VSTM4: variants seen among roughly 807,000 people sequenced by gnomAD.
VSTM4 encodes the protein V-set and transmembrane domain containing 4, also known as V-set and transmembrane domain-containing protein 4.
VSTM4 carries 20 observed loss-of-function variants against 36.4 expected under a neutral mutation model. The ratio of observed to expected loss-of-function variants is 0.55; its 90% confidence interval spans 0.39 to 0.80. VSTM4 has a LOEUF of 0.80. Among genes scored for constraint, VSTM4 ranks in the 30% least tolerant of loss-of-function variants. The pLI, the probability that VSTM4 is intolerant of heterozygous loss-of-function variation, is 0.00. For synonymous variants in VSTM4, 182 were observed against 173.9 expected, an observed-to-expected ratio of 1.05 and a Z score of -0.37; for missense variants, 392 against 404.5, an observed-to-expected ratio of 0.97 and a Z score of 0.26.
chr10:49,113,392 C>G (rs1844932733), intron 1 of VSTM4, among the ~76,000 whole-genome samples: 1 of 152,180 alleles, frequency 6.6e-6, no homozygotes, highest in Admixed American at 6.5e-5. Context: ...AAAATATCAC[C>G]TTGCCCAATG....
At chr10:49,032,022 T>C (rs1340411827) in intron 7 of VSTM4, among the ~76,000 whole-genome samples, 1 of 152,004 alleles carries the variant, frequency 6.6e-6, no homozygotes, top group Non-Finnish European at 1.5e-5. Context: ...AACTGTGACG[T>C]CCTCCCCATT....
At chr10:49,063,364 T>G (rs145783613) in intron 5 of VSTM4, among the ~76,000 whole-genome samples, 215 of 152,292 alleles carry the variant, frequency 1.4e-3, no homozygotes, top group African/African-American at 4.7e-3. Flanking sequence ...CTTCAAAATT[T>G]TTGTCAGATA....
At position 49,073,028 on chromosome 10, in the gene VSTM4, C is replaced by T. The variant is rs186639601; in HGVS notation, c.634+4191G>A. Among the ~76,000 whole-genome samples the T allele has an allele frequency of 3.9e-4, 60 of 152,324 alleles. 1 individual carries two copies. Among genetic ancestry groups the T allele is most frequent in the South Asian group, 1.9e-3 (9 of 4,820 alleles). ...GGAAAGGCAACTATTCTTAGTTATA[C>T]CTTCAAAGCCAGGAAGGAAGTCTTG... On this transcript the variant is annotated intron_variant, in intron 4 of 7. Coordinates refer to ENST00000332853, the MANE Select transcript of VSTM4 (RefSeq NM_001031746.5).
intron 2 of VSTM4, among the ~76,000 whole-genome samples, chr10:49,091,717 A>G (rs1371740010): frequency 6.6e-6 from 1 of 152,184 alleles, no homozygotes; most frequent in African/African-American, 2.4e-5. Flanking sequence ...GGACGCTGAC[A>G]TGCTTTGTCT....
chr10:49,091,670 G>C (rs773374061), intron 2 of VSTM4, among the ~76,000 whole-genome samples: 5 of 152,140 alleles, frequency 3.3e-5, no homozygotes, highest in Non-Finnish European at 5.9e-5. Context: ...TGGGTGCCAA[G>C]GGGCCTCTGG....
intron 5 of VSTM4, among the ~76,000 whole-genome samples, chr10:49,052,585 G>C (rs1189449914): frequency 7.2e-5 from 11 of 151,892 alleles, no homozygotes; most frequent in Non-Finnish European, 1.6e-4. Context: ...TTGAATTCTG[G>C]CTTTTTGTTC....
rs544206957 is a variant in VSTM4, at chr10:49,098,618, C to T, written c.457+8976G>A. Among the ~76,000 whole-genome samples, 102 of 152,322 alleles carry T rather than the reference C, an allele frequency of 6.7e-4. 1 individual carries two copies. Among genetic ancestry groups the T allele is most frequent in the Non-Finnish European group, 2.5e-4 (17 of 68,024 alleles). On this transcript the variant is annotated intron_variant, in intron 2 of 7. Coordinates refer to ENST00000332853, the MANE Select transcript of VSTM4 (RefSeq NM_001031746.5). Reference sequence around the variant, plus strand: ...AAGCTTCCAGGCCTAATGCAGAGTCCCCAAAGCCCTGGCATGAGCTGCAGT... The same window carrying T: ...AAGCTTCCAGGCCTAATGCAGAGTCTCCAAAGCCCTGGCATGAGCTGCAGT...
At chr10:49,115,321 C>A in intron 1 of VSTM4, 110 bp downstream of exon 1, 1 of 758,638 alleles carries the variant, frequency 1.3e-6, no homozygotes, top group Non-Finnish European at 1.6e-6. Context: ...CGCCCCCCGC[C>A]CGCGCCCGGA....
At chr10:49,083,075 C>T (rs1021943019) in intron 3 of VSTM4, among the ~76,000 whole-genome samples, 1 of 152,264 alleles carries the variant, frequency 6.6e-6, no homozygotes, top group Non-Finnish European at 1.5e-5. Flanking sequence ...TGCCCCTCAG[C>T]AGAGTCCAGG....
intron 3 of VSTM4, among the ~76,000 whole-genome samples, chr10:49,080,481 G>A (rs554068514): frequency 1.3e-5 from 2 of 152,362 alleles, no homozygotes; most frequent in South Asian, 4.1e-4. Context: ...TTTTGCCTAA[G>A]CTAGTTTGAA....
At position 49,015,299 on chromosome 10, in the gene VSTM4, T is replaced by C. The variant is rs994372403; in HGVS notation, c.*4351A>G. 4 of 152,032 alleles carry C rather than the reference T, an allele frequency of 2.6e-5. No individual in the cohort carries two copies. The highest frequency in any genetic ancestry group is 9.7e-5 in the African/African-American group (4 of 41,364). 9.4% of individuals were successfully genotyped at this position (152,032 alleles called of 1,614,324 possible). A position where few individuals can be genotyped will look rare whatever the true frequency, so the allele number is the denominator to read the frequency against. On this transcript the variant is annotated 3_prime_UTR_variant, in exon 8 of 8. Transcript: ENST00000332853. Reference sequence around the variant, plus strand: ...ACCATGCCTGGCTAATTTTTTGTATTTTTAGTAGAGACAGGGTTTCACCGT... The same window carrying C: ...ACCATGCCTGGCTAATTTTTTGTATCTTTAGTAGAGACAGGGTTTCACCGT...
intron 4 of VSTM4, among the ~76,000 whole-genome samples, chr10:49,066,037 C>A (rs1479922989): frequency 6.6e-6 from 1 of 151,922 alleles, no homozygotes; most frequent in Non-Finnish European, 1.5e-5. Flanking sequence ...TTAGATGGAT[C>A]AGTGGTCTTC....
intron 3 of VSTM4, among the ~76,000 whole-genome samples, chr10:49,081,753 G>T (rs1844281874): frequency 6.6e-6 from 1 of 152,210 alleles, no homozygotes; most frequent in Non-Finnish European, 1.5e-5. Context: ...ACACCAGCCA[G>T]CGGGCACCTC....
rs1843099620 is a variant in VSTM4, at chr10:49,015,957, C to T, written c.*3693G>A. On this transcript the variant is annotated 3_prime_UTR_variant, in exon 8 of 8. Coordinates refer to ENST00000332853, the MANE Select transcript of VSTM4 (RefSeq NM_001031746.5). ...CCCTTCCTTAGGGAGAGCATCAGTC[C>T]TGGAGCCCTCCATCGGGAGCTCTCC... The T allele has an allele frequency of 6.6e-6, 1 of 152,258 alleles. No individual in the cohort carries two copies. Among genetic ancestry groups the T allele is most frequent in the Admixed American group, 6.5e-5 (1 of 15,290 alleles). The allele number at this position is 152,258 out of a possible 1,614,324, so 9.4% of individuals were successfully genotyped here. A position where few individuals can be genotyped will look rare whatever the true frequency, so the allele number is the denominator to read the frequency against.
At chr10:49,110,517 A>G (rs1298322883) in intron 1 of VSTM4, among the ~76,000 whole-genome samples, 1 of 152,150 alleles carries the variant, frequency 6.6e-6, no homozygotes, top group East Asian at 1.9e-4. Context: ...AAGTGCAAAG[A>G]CCTTTGTTAT....
At chr10:49,054,666 A>T (rs972070702) in intron 5 of VSTM4, among the ~76,000 whole-genome samples, 7 of 152,232 alleles carry the variant, frequency 4.6e-5, no homozygotes, top group African/African-American at 1.7e-4. Context: ...AACTGAGCTG[A>T]TTCCACCAAA....
At position 49,078,884 on chromosome 10, in the gene VSTM4, C is replaced by T. The variant is rs531783208; in HGVS notation, c.527-1558G>A. Among the ~76,000 whole-genome samples the T allele has an allele frequency of 2.7e-3, 407 of 151,986 alleles. 5 individuals are homozygous for T. The highest frequency in any genetic ancestry group is 4.6e-3 in the Non-Finnish European group (311 of 67,928). On this transcript the variant is annotated intron_variant, in intron 3 of 7. Transcript: ENST00000332853. ...TCTTGCCCTGTGGCCCAGGCTGGAG[C>T]GCAGTGGCATAATCTTGGCTCACTG...
At chr10:49,076,661 A>G (rs1015517841) in intron 4 of VSTM4, among the ~76,000 whole-genome samples, 8 of 152,178 alleles carry the variant, frequency 5.3e-5, no homozygotes, top group Admixed American at 2.6e-4. Context: ...TGAGAACTAC[A>G]CTTTCCTGAG....
intron 2 of VSTM4, 30 bp from the exon 3 acceptor site, chr10:49,086,053 T>C (rs750930077): frequency 1.4e-6 from 2 of 1,480,704 alleles, no homozygotes; most frequent in South Asian, 1.2e-5. Context: ...CAGCACAGTA[T>C]GAAAAAATAA....
Sources: gnomAD v4.1 joint callset for allele counts (sites outside exome capture counted in the v4.1 genomes callset) on GRCh38, gnomAD v4.1.1 for gene constraint, MANE v1.5 for transcripts, NCBI Gene and HGNC (gene_info 2026-07-23, HGNC 2026-07-21) for gene names.